RARB: variants seen among roughly 807,000 people sequenced by gnomAD.
RARB encodes retinoic acid receptor beta, also known as HBV-activated protein.
In RARB, 17 loss-of-function variants were observed where a neutral mutation model predicts 51.9. The ratio of observed to expected loss-of-function variants is 0.33; its 90% CI spans 0.22 to 0.49. The LOEUF is 0.49. Ranked by LOEUF, RARB falls within the 20% of genes least tolerant of loss-of-function variation. RARB has a pLI of 0.99. For missense variants in RARB, 369 were observed against 550.8 expected (o/e 0.67, Z 3.30); for synonymous variants, 215 against 195.4 (o/e 1.10, Z -0.84).
chr3:25,365,249 A>C (rs1706081293), intron 5 of RARB, among the ~76,000 whole-genome samples: 1 of 109,266 alleles, frequency 9.2e-6, no homozygotes, highest in Non-Finnish European at 1.7e-5. Context: ...AAGGGATTCT[A>C]GCCAGGAATA....
At chr3:25,459,301 A>G (rs114251076) in intron 1 of RARB, among the ~76,000 whole-genome samples, 4,219 of 152,326 alleles carry the variant, frequency 0.028, 189 homozygotes, top group African/African-American at 0.092. Flanking sequence ...TTATCACAAT[A>G]GCCTCAGTTG....
At chr3:25,594,336 G>T (rs193063146) in intron 6 of RARB, among the ~76,000 whole-genome samples, 184 bp from the exon 7 acceptor site, 1 of 152,092 alleles carries the variant, frequency 6.6e-6, no homozygotes, top group Admixed American at 6.6e-5. Flanking sequence ...TACTACCAAG[G>T]GGGGGCAGTT....
intron 2 of RARB, among the ~76,000 whole-genome samples, chr3:24,879,762 G>A (rs202189136): frequency 6.6e-6 from 1 of 152,110 alleles, no homozygotes; most frequent in East Asian, 1.9e-4. Context: ...GTCCTGCTAG[G>A]ATTTCCCAGT....
chr3:25,082,716 C>A (rs1291067472), intron 3 of RARB, among the ~76,000 whole-genome samples: 3 of 151,956 alleles, frequency 2.0e-5, no homozygotes, highest in Non-Finnish European at 2.9e-5. Flanking sequence ...CCCACATGTT[C>A]ATCTTTTCTT....
At chr3:25,326,788 C>T (rs1704729151) in intron 5 of RARB, among the ~76,000 whole-genome samples, 1 of 151,722 alleles carries the variant, frequency 6.6e-6, no homozygotes, top group South Asian at 2.1e-4. Context: ...ATGACAATAT[C>T]AAGAAACACT....
rs1358100209 is a variant in RARB, at chr3:25,142,359, T to C, written c.-280+10151T>C. Among the ~76,000 whole-genome samples, 5 of 151,780 alleles carry C rather than the reference T, an allele frequency of 3.3e-5. No homozygotes were observed. In the East Asian group the frequency reaches 9.7e-4, roughly 29 times the overall value. On this transcript the variant is annotated intron_variant, in intron 4 of 11. Coordinates refer to the RARB transcript ENST00000383772. ...CAAAAAAGAAATAATAAAAAAAAAA[T>C]CTTGAGATGCAACTCAGAACCATTG...
intron 5 of RARB, among the ~76,000 whole-genome samples, chr3:25,228,825 T>C (rs1275187985): frequency 6.6e-6 from 1 of 152,180 alleles, no homozygotes; most frequent in Admixed American, 6.6e-5. Flanking sequence ...CCTTCTGCTC[T>C]AGATGAATGT....
chr3:25,113,651 C>T (rs1210548112), intron 3 of RARB, among the ~76,000 whole-genome samples: 1 of 152,142 alleles, frequency 6.6e-6, no homozygotes, highest in African/African-American at 2.4e-5. Context: ...TCCCCAGAAC[C>T]TTCTTAGCTA....
intron 5 of RARB, among the ~76,000 whole-genome samples, chr3:25,220,373 T>C (rs944151840): frequency 6.6e-6 from 1 of 152,224 alleles, no homozygotes; most frequent in Admixed American, 6.5e-5. Flanking sequence ...ATTGTGATTA[T>C]TTTTGGAGAA....
intron 5 of RARB, among the ~76,000 whole-genome samples, chr3:25,366,007 C>A (rs1055112501): frequency 6.6e-6 from 1 of 152,224 alleles, no homozygotes; most frequent in Non-Finnish European, 1.5e-5. Flanking sequence ...AAACACCACA[C>A]TTGTGCAAAT....
At chr3:24,905,902 C>T (rs559698720) in intron 2 of RARB, among the ~76,000 whole-genome samples, 2 of 152,252 alleles carry the variant, frequency 1.3e-5, no homozygotes, top group South Asian at 2.1e-4. Context: ...TTTCATCCAT[C>T]GAAGTAATTA....
chr3:25,543,197 G>A (rs1318624497), intron 3 of RARB, among the ~76,000 whole-genome samples: 4 of 152,184 alleles, frequency 2.6e-5, no homozygotes, highest in Admixed American at 2.6e-4. Flanking sequence ...ACATGTACAC[G>A]TGGTTTGGGA....
At chr3:24,832,143 A>T (rs553375021) in intron 1 of RARB, among the ~76,000 whole-genome samples, 244 of 152,332 alleles carry the variant, frequency 1.6e-3, no homozygotes, top group African/African-American at 5.6e-3. Context: ...AACTGCTTTA[A>T]AAAGGCTCTA....
In RARB at chr3:25,065,079, A is replaced by G. The variant is rs138215296; in HGVS notation, c.-328+4903A>G. ...ACCTGGTACACCTCGGGATTTTTAGATTGGTTAAGTATGCTTCATTTTAAA... is the reference window on the plus strand; with the variant it reads ...ACCTGGTACACCTCGGGATTTTTAGGTTGGTTAAGTATGCTTCATTTTAAA... On this transcript the variant is annotated intron_variant, in intron 3 of 11. Transcript: ENST00000383772. Among the ~76,000 whole-genome samples the G allele has an allele frequency of 4.0e-3, 599 of 151,562 alleles. 4 individuals carry two copies. The highest frequency in any genetic ancestry group is 0.014 in the South Asian group (66 of 4,778).
chr3:25,528,224 T>A (rs1698738678), intron 3 of RARB, among the ~76,000 whole-genome samples: 1 of 152,152 alleles, frequency 6.6e-6, no homozygotes, highest in African/African-American at 2.4e-5. Context: ...TTTGAAATGG[T>A]CGGTTAAACC....
At chr3:24,915,685 A>G (rs1239358054) in intron 2 of RARB, among the ~76,000 whole-genome samples, 1 of 152,204 alleles carries the variant, frequency 6.6e-6, no homozygotes, top group Non-Finnish European at 1.5e-5. Flanking sequence ...TGGGTGTTGT[A>G]TGTGACTTGG....
At chr3:25,216,608 G>A (rs193141203) in intron 5 of RARB, among the ~76,000 whole-genome samples, 4 of 151,992 alleles carry the variant, frequency 2.6e-5, no homozygotes, top group African/African-American at 9.6e-5. Context: ...TGAGGGGAAG[G>A]AACTTAGAGG....
At chr3:25,243,148 A>G (rs1243919027) in intron 5 of RARB, among the ~76,000 whole-genome samples, 1 of 151,842 alleles carries the variant, frequency 6.6e-6, no homozygotes, top group Non-Finnish European at 1.5e-5. Flanking sequence ...TGATTTTTGC[A>G]GATCGATTTT....
chr3:25,483,203 C>T (rs906383241), intron 2 of RARB, among the ~76,000 whole-genome samples: 4 of 152,038 alleles, frequency 2.6e-5, no homozygotes, highest in South Asian at 2.1e-4. Context: ...AAGAAAGCAT[C>T]GGGACACAAT....
Sources: gnomAD v4.1 joint callset for allele counts (sites outside exome capture counted in the v4.1 genomes callset) on GRCh38, gnomAD v4.1.1 for gene constraint, MANE v1.5 for transcripts, NCBI Gene and HGNC (gene_info 2026-07-23, HGNC 2026-07-21) for gene names.